The following NRCAM variants were observed in gnomAD, a reference collection of about 807,000 sequenced individuals.
NRCAM encodes the protein neuronal cell adhesion molecule, also known as NgCAM-related cell adhesion molecule.
A neutral mutation model predicts 156.5 loss-of-function variants in NRCAM; 83 were observed. The observed-to-expected ratio is 0.53, with a 90% confidence interval of 0.44 to 0.64. NRCAM has a LOEUF of 0.64. Among genes scored for constraint, NRCAM ranks in the 30% least tolerant of loss-of-function variants. NRCAM has a pLI of 0.00. For synonymous variants in NRCAM, 538 were observed against 563.9 expected (o/e 0.95, Z 0.65); for missense variants, 1,417 against 1,597.3 (o/e 0.89, Z 1.92).
intron 14 of NRCAM, among the ~76,000 whole-genome samples, chr7:108,196,560 A>G (rs449540): frequency 0.71 from 107,634 of 152,076 alleles, 39,395 homozygotes; most frequent in East Asian, 0.88. Context: ...ATATACAAAC[A>G]GCCAACAGGT....
intron 32 of NRCAM, among the ~76,000 whole-genome samples, chr7:108,157,878 T>C (rs1478156943): frequency 6.6e-6 from 1 of 152,156 alleles, no homozygotes; most frequent in Admixed American, 6.6e-5. Context: ...ATGCTTTATT[T>C]CCAATTCATG....
chr7:108,427,969 T>C (rs4730319), intron 1 of NRCAM, among the ~76,000 whole-genome samples: 136,853 of 152,248 alleles, frequency 0.9, 61,992 homozygotes, highest in East Asian at 1. Context: ...GAAATATCTC[T>C]GTTGCCAGAG....
At chr7:108,219,715 C>T (rs182125893) in intron 11 of NRCAM, among the ~76,000 whole-genome samples, 14 of 152,194 alleles carry the variant, frequency 9.2e-5, no homozygotes, top group Admixed American at 9.2e-4. Context: ...GTAATAAAAG[C>T]CATCTATGTC....
At position 108,431,416 on chromosome 7, in the gene NRCAM, T is replaced by C. The variant is rs371405173; in HGVS notation, c.-332+24827A>G. ...AAAGGCTTCAGCAGCTCCTCAACAA[T>C]TGACTACTGTCTTTAGTTTTGATCA... is the stretch of plus-strand genomic sequence containing the variant. On this transcript the variant is annotated intron_variant, in intron 1 of 32. Transcript: ENST00000379028. Among the ~76,000 whole-genome samples, 12 of 152,330 alleles carry C rather than the reference T, an allele frequency of 7.9e-5. 1 individual carries two copies. The highest frequency in any genetic ancestry group is 7.2e-4 in the Admixed American group (11 of 15,300).
chr7:108,374,142 A>G (rs2099648814), intron 2 of NRCAM, among the ~76,000 whole-genome samples: 1 of 152,170 alleles, frequency 6.6e-6, no homozygotes, highest in Non-Finnish European at 1.5e-5. Context: ...CTGAAAGGCT[A>G]TTCCTGAAAA....
chr7:108,378,907 GACTCTC>G (rs2099688937), intron 2 of NRCAM, among the ~76,000 whole-genome samples: 1 of 152,124 alleles, frequency 6.6e-6, no homozygotes, highest in Admixed American at 6.6e-5. Context: ...AGGAAAGCCA[GACTCTC>G]CTTAGGGGTA....
intron 3 of NRCAM, among the ~76,000 whole-genome samples, chr7:108,278,746 G>A (rs199950960): frequency 2.0e-5 from 3 of 152,202 alleles, no homozygotes; most frequent in South Asian, 2.1e-4. Context: ...GCTTTGGCTC[G>A]CCCTCCATGG....
In NRCAM at chr7:108,328,425, C is replaced by G. The variant is rs2099092923; in HGVS notation, c.-173-15694G>C. On this transcript the variant is annotated intron_variant, in intron 2 of 32. Coordinates refer to ENST00000379028, the MANE Select transcript of NRCAM (RefSeq NM_001037132.4). ...ATAAACAAGCACAGATATTACCTTA[C>G]AAATGAAGTTATCTTACTGCTTTCC... is the stretch of plus-strand genomic sequence containing the variant. 3 of 152,322 alleles carry G rather than the reference C, an allele frequency of 2.0e-5. No individual in the cohort carries two copies. The South Asian group carries it at 6.2e-4, about 32-fold the overall frequency. 9.4% of individuals were successfully genotyped at this position (152,322 alleles called of 1,614,324 possible).
intron 3 of NRCAM, among the ~76,000 whole-genome samples, chr7:108,251,993 T>C (rs1232088406): frequency 6.6e-6 from 1 of 152,030 alleles, no homozygotes; most frequent in East Asian, 1.9e-4. Context: ...TGGCAGAGCA[T>C]CCAACAGAAT....
At chr7:108,181,791 A>G in intron 24 of NRCAM, 31 bp downstream of exon 24, 1 of 1,502,804 alleles carries the variant, frequency 6.7e-7, no homozygotes, top group Non-Finnish European at 9.3e-7. Flanking sequence ...CCCTTACTAA[A>G]TAAAGCCACA....
chr7:108,396,383 T>A (rs2154384875), intron 2 of NRCAM, among the ~76,000 whole-genome samples: 1 of 152,310 alleles, frequency 6.6e-6, no homozygotes, highest in East Asian at 1.9e-4. Flanking sequence ...TTCATTGTCT[T>A]CAAGACCACC....
In NRCAM at chr7:108,159,381, G is replaced by C. The variant is rs183163690; in HGVS notation, c.3677+82C>G. Reference sequence around the variant, plus strand: ...TGAGGAAAATATGAGATGCCAGGCAGAGCATATTCTGGCTGAGTTCTATTC... The same window carrying C: ...TGAGGAAAATATGAGATGCCAGGCACAGCATATTCTGGCTGAGTTCTATTC... On this transcript the variant is annotated intron_variant, in intron 32 of 32. Transcript: ENST00000379028. 136 of 1,189,900 alleles carry C rather than the reference G, an allele frequency of 1.1e-4. No individual in the cohort carries two copies. In the East Asian group the frequency reaches 3.2e-3, roughly 28 times the overall value. The allele number at this position is 1,189,900 out of a possible 1,614,324, so 73.7% of individuals were successfully genotyped here.
intron 3 of NRCAM, among the ~76,000 whole-genome samples, chr7:108,255,153 C>A (rs2096564739): frequency 8.2e-6 from 1 of 121,396 alleles, no homozygotes; most frequent in Admixed American, 7.4e-5. Context: ...GTGAGCCTCT[C>A]CCTCTCCCTC....
At position 108,231,082 on chromosome 7, in the gene NRCAM, A is replaced by T; in HGVS notation, c.499T>A (p.Cys167Ser). Residue 167 changes from cysteine (C) to serine (S), a missense_variant, in exon 8 of 33, where the codon TGC becomes AGC. By Grantham distance (112) the Cys-to-Ser change is moderately radical (BLOSUM62 -1). Around this residue, in one of 2 missense-constraint regions of NRCAM, gnomAD observed 1,238 missense variants for 1,336.4 expected, o/e 0.93. Transcript: ENST00000379028. ...LQSGQSLVLP[C>S]RPPIGLPPPI... ...GGTGGTAATCCAATTGGGGGTCTGC[A>T]GGGAAGTACTAAAGACTGACCACTT... is the stretch of plus-strand genomic sequence containing the variant. 1 of 1,609,880 alleles carries T rather than the reference A, an allele frequency of 6.2e-7. No individual in the cohort carries two copies. Among genetic ancestry groups the T allele is most frequent in the Non-Finnish European group, 8.5e-7 (1 of 1,176,900 alleles).
Position 108,167,047 on chromosome 7 carries a change from C to G in NRCAM, c.3340G>C (p.Val1114Leu). Residue 1114 changes from valine (V) to leucine (L), a missense_variant, in exon 30 of 33, where the codon GTA becomes CTA. Transcript: ENST00000379028. Reference sequence around the variant, plus strand: ...CCAAAGAAGCTCCGAGAACCATTTACAATTTCTTTTCTCCATTCTTCTTTG... The same window carrying G: ...CCAAAGAAGCTCCGAGAACCATTTAGAATTTCTTTTCTCCATTCTTCTTTG... ...GSKEEWRKEI[V>L]NGSRSFFGLK... 6.2e-7 allele frequency: 1 copy of G among 1,613,750 alleles called. No individual in the cohort carries two copies. The highest frequency in any genetic ancestry group is 8.5e-7 in the Non-Finnish European group (1 of 1,179,760).
chr7:108,167,486 T>C (rs2055318441), intron 29 of NRCAM, among the ~76,000 whole-genome samples: 1 of 152,238 alleles, frequency 6.6e-6, no homozygotes, highest in African/African-American at 2.4e-5. Flanking sequence ...ATGAATCTTT[T>C]AGTAAACTTA....
At chr7:108,420,039 C>CGTGTGT (rs35840496) in intron 1 of NRCAM, among the ~76,000 whole-genome samples, 11,923 of 146,624 alleles carry the variant, frequency 0.081, 570 homozygotes, top group African/African-American at 0.13. Context: ...TTAGTTCCAT[C>CGTGTGT]GTGTGTGTGT....
chr7:108,432,329 G>A (rs990706360), intron 1 of NRCAM, among the ~76,000 whole-genome samples: 3 of 152,200 alleles, frequency 2.0e-5, no homozygotes, highest in Non-Finnish European at 2.9e-5. Context: ...TTAGAATCCT[G>A]TAAATTATGC....
At chr7:108,451,510 C>T (rs1171489771) in intron 1 of NRCAM, among the ~76,000 whole-genome samples, 1 of 152,122 alleles carries the variant, frequency 6.6e-6, no homozygotes, top group African/African-American at 2.4e-5. Context: ...CATCCATGTT[C>T]ATGGCAGCAT....
Sources: gnomAD v4.1 joint callset for allele counts (sites outside exome capture counted in the v4.1 genomes callset) on GRCh38, gnomAD v4.1.1 for gene constraint, gnomAD v4.1.1 regional missense constraint, MANE v1.5 for transcripts, NCBI Gene and HGNC (gene_info 2026-07-23, HGNC 2026-07-21) for gene names.